The following CAMKMT variants were observed in gnomAD, a reference collection of about 807,000 sequenced individuals.
CAMKMT encodes the protein CaM KMT.
A neutral mutation model predicts 48.0 loss-of-function variants in CAMKMT; 53 were observed. The ratio of observed to expected loss-of-function variants is 1.10; its 90% CI spans 0.89 to 1.39. The LOEUF is 1.39. CAMKMT is among the 40% of genes most tolerant of loss of function. The probability of loss-of-function intolerance (pLI) is 0.00; values close to 1 mark genes in which losing one functional copy is unlikely to be tolerated. For missense variants in CAMKMT, 428 were observed against 402.7 expected (o/e 1.06, Z -0.54); for synonymous variants, 165 against 152.3 (o/e 1.08, Z -0.61).
chr2:44,495,315 A>AT (rs1669703788), intron 3 of CAMKMT, among the ~76,000 whole-genome samples: 2 of 151,636 alleles, frequency 1.3e-5, no homozygotes, highest in Non-Finnish European at 2.9e-5. Flanking sequence ...AATTTTTTAA[A>AT]TTTTTTTGGT....
At chr2:44,602,502 T>C (rs1417255309) in intron 3 of CAMKMT, among the ~76,000 whole-genome samples, 1 of 152,040 alleles carries the variant, frequency 6.6e-6, no homozygotes, top group Non-Finnish European at 1.5e-5. Flanking sequence ...TTATTATACT[T>C]GCTATTAGTC....
intron 3 of CAMKMT, among the ~76,000 whole-genome samples, chr2:44,609,120 T>C (rs1671459684): frequency 6.6e-6 from 1 of 152,216 alleles, no homozygotes; most frequent in East Asian, 1.9e-4. Flanking sequence ...TTGAAAGACA[T>C]ATACTGTAGC....
At chr2:44,478,731 C>A (rs1169112905) in intron 3 of CAMKMT, among the ~76,000 whole-genome samples, 1 of 144,502 alleles carries the variant, frequency 6.9e-6, no homozygotes, top group African/African-American at 2.6e-5. Flanking sequence ...AGAGGCGTCT[C>A]GCTCTGTCGC....
intron 8 of CAMKMT, among the ~76,000 whole-genome samples, chr2:44,752,093 C>G (rs1680177605): frequency 1.3e-5 from 2 of 152,070 alleles, no homozygotes; most frequent in Non-Finnish European, 2.9e-5. Flanking sequence ...AACATCCGAA[C>G]AGTATCACTG....
intron 3 of CAMKMT, among the ~76,000 whole-genome samples, chr2:44,559,562 T>C (rs1185308513): frequency 6.6e-6 from 1 of 151,070 alleles, no homozygotes; most frequent in East Asian, 1.9e-4. Flanking sequence ...TTTTTTTTAA[T>C]GTGGTCTTCA....
At chr2:44,702,302 C>G (rs544657348) in intron 3 of CAMKMT, among the ~76,000 whole-genome samples, 5 of 152,198 alleles carry the variant, frequency 3.3e-5, no homozygotes, top group Admixed American at 2.6e-4. Context: ...TTTGCAGTAA[C>G]AGGTCAAAAT....
chr2:44,535,425 C>T (rs1200586573), intron 3 of CAMKMT, among the ~76,000 whole-genome samples: 1 of 152,070 alleles, frequency 6.6e-6, no homozygotes, highest in Non-Finnish European at 1.5e-5. Context: ...CAGTCAAGAA[C>T]AAAACAACAG....
At chr2:44,384,765 T>C (rs900511083) in intron 2 of CAMKMT, among the ~76,000 whole-genome samples, 3 of 152,096 alleles carry the variant, frequency 2.0e-5, no homozygotes, top group Non-Finnish European at 4.4e-5. Context: ...TTGTTTTGTT[T>C]ACTTTGTCAA....
intron 3 of CAMKMT, among the ~76,000 whole-genome samples, chr2:44,425,477 A>G (rs1345900076): frequency 4.6e-5 from 7 of 152,208 alleles, no homozygotes; most frequent in Non-Finnish European, 1.0e-4. Flanking sequence ...TAGAAAAATG[A>G]CATTTGATAT....
intron 8 of CAMKMT, among the ~76,000 whole-genome samples, chr2:44,745,851 C>G (rs1031238109): frequency 6.6e-6 from 1 of 152,128 alleles, no homozygotes; most frequent in African/African-American, 2.4e-5. Context: ...CTAATATGCA[C>G]GTTGTGCATG....
intron 3 of CAMKMT, among the ~76,000 whole-genome samples, chr2:44,425,276 C>G (rs187211598): frequency 2.0e-5 from 3 of 152,138 alleles, no homozygotes; most frequent in Admixed American, 1.3e-4. Flanking sequence ...AACAATATTT[C>G]AAATCTACTT....
chr2:44,480,013 A>G (rs1202872777), intron 3 of CAMKMT, among the ~76,000 whole-genome samples: 4 of 152,146 alleles, frequency 2.6e-5, no homozygotes, highest in Non-Finnish European at 4.4e-5. Flanking sequence ...TGCTGCTGCA[A>G]TCTTGAGAAG....
At chr2:44,594,134 C>G (rs1670500843) in intron 3 of CAMKMT, among the ~76,000 whole-genome samples, 1 of 152,198 alleles carries the variant, frequency 6.6e-6, no homozygotes, top group East Asian at 1.9e-4. Flanking sequence ...GCAAGGAGAA[C>G]TACAAATCAC....
intron 3 of CAMKMT, among the ~76,000 whole-genome samples, chr2:44,517,391 A>G (rs1298599193): frequency 6.6e-6 from 1 of 152,216 alleles, no homozygotes; most frequent in East Asian, 1.9e-4. Context: ...ATAATTTTTC[A>G]TTGCTAAATT....
chr2:44,701,011 C>T (rs1277906000), intron 3 of CAMKMT, among the ~76,000 whole-genome samples: 2 of 152,284 alleles, frequency 1.3e-5, no homozygotes, highest in Non-Finnish European at 1.5e-5. Context: ...ATTGTATGGA[C>T]GTACCACATT....
At position 44,534,471 on chromosome 2, in the gene CAMKMT, G is replaced by C. The variant is rs572412818; in HGVS notation, c.376+144166G>C. 3.3e-5 allele frequency among the ~76,000 whole-genome samples: 5 copies of C among 152,214 alleles called. No individual in the cohort carries two copies. In the East Asian group the frequency reaches 9.6e-4, roughly 29 times the overall value. ...ATTATATTGAACATTCTGCAGGATA[G>C]AACATATGTTAGGCCAGAAAACAAA... On this transcript the variant is annotated intron_variant, in intron 3 of 10. Coordinates refer to ENST00000378494, the MANE Select transcript of CAMKMT (RefSeq NM_024766.5).
At chr2:44,492,889 C>CTTTTTTT (rs11400501) in intron 3 of CAMKMT, among the ~76,000 whole-genome samples, 1 of 142,858 alleles carries the variant, frequency 7.0e-6, no homozygotes, top group African/African-American at 2.6e-5. Context: ...CATATTGTAT[C>CTTTTTTT]TTTTTTTTTT....
intron 3 of CAMKMT, among the ~76,000 whole-genome samples, chr2:44,405,097 ATC>A (rs914573171): frequency 6.6e-6 from 1 of 152,068 alleles, no homozygotes; most frequent in African/African-American, 2.4e-5. Context: ...ATTATTTTCT[ATC>A]TCTATGTTTT....
chr2:44,399,775 C>A (rs1682194085), intron 3 of CAMKMT, among the ~76,000 whole-genome samples: 1 of 152,010 alleles, frequency 6.6e-6, no homozygotes, highest in Admixed American at 6.6e-5. Context: ...AGGAGGTGAG[C>A]CTGGGGTAGG....
Sources: allele counts gnomAD v4.1 joint callset (sites outside exome capture counted in the v4.1 genomes callset), GRCh38; gene constraint gnomAD v4.1.1; transcripts MANE v1.5; gene names NCBI Gene and HGNC (gene_info 2026-07-23, HGNC 2026-07-21).